Variants in RCC1L observed in about 807,000 individuals in gnomAD.
The protein encoded by RCC1L is RCC1 like, also known as RCC1-like G exchanging factor-like protein.
RCC1L carries 46 observed loss-of-function variants against 58.6 expected under a neutral mutation model. The ratio of observed to expected loss-of-function variants is 0.79; its 90% confidence interval spans 0.62 to 1.00. The LOEUF (loss-of-function observed/expected upper bound fraction) is 1.00. Among genes scored for constraint, RCC1L ranks in the 50% least tolerant of loss-of-function variants. The pLI, the probability that RCC1L is intolerant of heterozygous loss-of-function variation, is 0.00. For synonymous variants in RCC1L, 281 were observed against 262.9 expected (o/e 1.07, Z -0.67); for missense variants, 636 against 623.6 (o/e 1.02, Z -0.21).
At chr7:75,051,347 C>T (rs1374586706) in intron 10 of RCC1L, among the ~76,000 whole-genome samples, 1 of 143,640 alleles carries the variant, frequency 7.0e-6, no homozygotes, top group African/African-American at 2.7e-5. Context: ...CATATATATA[C>T]ACACACACAT....
At chr7:75,028,875 G>A (rs1805218513) in intron 10 of RCC1L, among the ~76,000 whole-genome samples, 1 of 152,192 alleles carries the variant, frequency 6.6e-6, no homozygotes, top group Non-Finnish European at 1.5e-5. Context: ...TTCAGAGGCG[G>A]GGACCCAAAG....
At chr7:75,073,300 C>T in intron 1 of RCC1L, 114 bp downstream of exon 1, 1 of 484,328 alleles carries the variant, frequency 2.1e-6, no homozygotes, top group Non-Finnish European at 3.4e-6. Flanking sequence ...GGTCGTCCTG[C>T]CGGAAGTCTG....
At chr7:75,039,520 C>T (rs1199649154), downstream of RCC1L, among the ~76,000 whole-genome samples, 1 of 152,214 alleles carries the variant, frequency 6.6e-6, no homozygotes, top group Non-Finnish European at 1.5e-5. Context: ...TGAGACCCAT[C>T]TCTTCCCCGA....
chr7:75,060,493 C>T (rs1048265911), intron 6 of RCC1L, among the ~76,000 whole-genome samples: 16 of 152,312 alleles, frequency 1.1e-4, no homozygotes, highest in African/African-American at 3.4e-4. Flanking sequence ...TGCAATGGCG[C>T]GATCTTGGCT....
intron 2 of RCC1L, 98 bp downstream of exon 2, chr7:75,070,542 G>C: frequency 6.7e-7 from 1 of 1,499,866 alleles, no homozygotes; most frequent in Non-Finnish European, 8.9e-7. Flanking sequence ...CTGCACTCTA[G>C]CCTGGCAACA....
intron 2 of RCC1L, among the ~76,000 whole-genome samples, chr7:75,068,558 C>T (rs1378568239): frequency 6.6e-5 from 10 of 151,568 alleles, no homozygotes; most frequent in East Asian, 2.0e-4. Context: ...TGATGGCGGG[C>T]GCCTGTAGTA....
chr7:75,056,086 TA>T lies in RCC1L; in HGVS notation c.1058-13del. On this transcript the variant is annotated splice_polypyrimidine_tract_variant and intron_variant, in intron 8 of 10. Coordinates refer to ENST00000610322, the MANE Select transcript of RCC1L (RefSeq NM_030798.5). ...AACATGTCCTTCTCCTACATTACAG[TA>T]AAAACAAGGGTCAGTAAGTCCATCC... 1 of 1,613,800 alleles carries T rather than the reference TA, an allele frequency of 6.2e-7. No individual in the cohort carries two copies. Among genetic ancestry groups the T allele is most frequent in the Non-Finnish European group, 8.5e-7 (1 of 1,179,822 alleles).
In RCC1L at chr7:75,064,643, T is replaced by C; in HGVS notation, c.589A>G (p.Ser197Gly). The C allele has an allele frequency of 6.2e-7, 1 of 1,613,862 alleles. No homozygotes were observed. The highest frequency in any genetic ancestry group is 1.7e-5 in the Admixed American group (1 of 59,978). Residue 197 changes from serine (S) to glycine (G), a missense_variant, in exon 4 of 11, where the codon AGC becomes GGC. Coordinates refer to ENST00000610322, the MANE Select transcript of RCC1L (RefSeq NM_030798.5). ...TGCCCATAAGAATTGTTTCCCATGC[T>C]GAAGACTAAAAATAACACCACCAAT... ...LVLTDREGVFSMGNNSYGQCG... is the reference protein window; with the variant it reads ...LVLTDREGVFGMGNNSYGQCG...
intron 5 of RCC1L, 67 bp downstream of exon 5, chr7:75,063,225 C>A: frequency 1.9e-6 from 3 of 1,579,554 alleles, no homozygotes; most frequent in Non-Finnish European, 2.6e-6. Context: ...CATCACCCTA[C>A]CCAAATCTCA....
chr7:75,061,184 C>T (rs1164511686), intron 6 of RCC1L, 23 bp downstream of exon 6: 5 of 1,597,376 alleles, frequency 3.1e-6, no homozygotes, highest in Non-Finnish European at 2.6e-6. Flanking sequence ...TTTCACGACC[C>T]CAGTGCATGA....
chr7:75,050,912 T>A (rs1805884595), intron 10 of RCC1L, among the ~76,000 whole-genome samples: 1 of 152,122 alleles, frequency 6.6e-6, no homozygotes, highest in Admixed American at 6.5e-5. Flanking sequence ...GGCAACATAG[T>A]GAGACTCCCA....
At chr7:75,028,274 C>T (rs1805198581) in intron 10 of RCC1L, among the ~76,000 whole-genome samples, 1 of 152,088 alleles carries the variant, frequency 6.6e-6, no homozygotes, top group African/African-American at 2.4e-5. Context: ...GCACTCACCA[C>T]CACACGCGGC....
downstream of RCC1L, among the ~76,000 whole-genome samples, chr7:75,040,353 G>A (rs896756504): frequency 7.2e-5 from 11 of 152,230 alleles, no homozygotes; most frequent in Non-Finnish European, 1.3e-4. Context: ...CCGGCTACTC[G>A]GGAGGCTAAG....
chr7:75,058,352 C>T (rs980004068), intron 7 of RCC1L, among the ~76,000 whole-genome samples: 18 of 151,612 alleles, frequency 1.2e-4, no homozygotes, highest in Non-Finnish European at 2.1e-4. Flanking sequence ...CCTCAGCCTC[C>T]CCAGTACCTG....
chr7:75,029,635 C>T (rs924219865), intron 10 of RCC1L, among the ~76,000 whole-genome samples: 2 of 152,098 alleles, frequency 1.3e-5, no homozygotes, highest in East Asian at 1.9e-4. Context: ...TGAGATACCC[C>T]GCCTGGCCAA....
chr7:75,031,408 AAC>A (rs1373704976), intron 10 of RCC1L, among the ~76,000 whole-genome samples: 8 of 152,186 alleles, frequency 5.3e-5, no homozygotes, highest in African/African-American at 1.9e-4. Flanking sequence ...TTGTTGAAGA[AAC>A]ACAAAACCCT....
intron 8 of RCC1L, 101 bp from the exon 9 acceptor site, chr7:75,056,175 G>GTTTTTTTTTGT: frequency 8.0e-7 from 1 of 1,250,774 alleles, no homozygotes; most frequent in Non-Finnish European, 1.1e-6. Flanking sequence ...CATCCACACG[G>GTTTTTTTTTGT]TTTTTTTTTG....
chr7:75,027,740 T>G, exon 11 of RCC1L: 7 of 436,072 alleles, frequency 1.6e-5, no homozygotes, highest in Non-Finnish European at 2.9e-5. Context: ...GGGGGCCCCT[T>G]TAGTTTTCCC....
intron 4 of RCC1L, 103 bp from the exon 5 acceptor site, chr7:75,063,446 C>T: frequency 8.5e-7 from 1 of 1,175,014 alleles, no homozygotes; most frequent in Non-Finnish European, 1.3e-6. Context: ...CCCCTCCGCT[C>T]ACACAGTAAC....
Sources: gnomAD v4.1 joint callset for allele counts (sites outside exome capture counted in the v4.1 genomes callset) on GRCh38, gnomAD v4.1.1 for gene constraint, MANE v1.5 for transcripts, NCBI Gene and HGNC (gene_info 2026-07-23, HGNC 2026-07-21) for gene names.